FAM174B: variants seen among roughly 807,000 people sequenced by gnomAD.
FAM174B encodes the protein family with sequence similarity 174 member B.
Under a neutral mutation model 10.9 loss-of-function variants are expected in FAM174B, and 12 were observed. The ratio of observed to expected loss-of-function variants is 1.10; its 90% confidence interval spans 0.71 to 1.79. The LOEUF (loss-of-function observed/expected upper bound fraction) is 1.79, where lower values mean the gene tolerates loss of function less well. Among genes scored for constraint, FAM174B ranks in the 40% most tolerant of loss-of-function variants. The pLI is 0.00. For missense variants in FAM174B, 266 were observed against 233.3 expected (o/e 1.14, Z -0.91); for synonymous variants, 132 against 115.8 (o/e 1.14, Z -0.90).
rs376877951 is a variant in FAM174B at position 92,637,484 on chromosome 15, G to A, written c.345-7139C>T. On this transcript the variant is annotated intron_variant, in intron 1 of 2. Coordinates refer to ENST00000327355, the MANE Select transcript of FAM174B (RefSeq NM_207446.3). Reference sequence around the variant, plus strand: ...ACCTAGCAAACCTTAACTGCCTCGAGGTCTCAGGGAAGGCACTGCACGAAG... The same window carrying A: ...ACCTAGCAAACCTTAACTGCCTCGAAGTCTCAGGGAAGGCACTGCACGAAG... 7.2e-5 allele frequency among the ~76,000 whole-genome samples: 11 copies of A among 152,286 alleles called. No homozygotes were observed. In the East Asian group the frequency reaches 1.7e-3, roughly 24 times the overall value.
At chr15:92,621,061 G>A (rs1403012905) in intron 2 of FAM174B, among the ~76,000 whole-genome samples, 1 of 152,062 alleles carries the variant, frequency 6.6e-6, no homozygotes, top group East Asian at 1.9e-4. Context: ...TTTACTAGAA[G>A]ATGTAAACAT....
chr15:92,655,411 G>A lies in FAM174B; in HGVS notation c.249C>T (p.Ile83=). 4 of 1,600,860 alleles carry A rather than the reference G, an allele frequency of 2.5e-6. No homozygotes were observed. The highest frequency in any genetic ancestry group is 2.3e-5 in the East Asian group (1 of 43,088). ...TGAGGGTGGGTAGGTCGCGGAGGAGGATGGAAATGCGGGTCACCAAGGCGT... is the reference window on the plus strand; with the variant it reads ...TGAGGGTGGGTAGGTCGCGGAGGAGAATGGAAATGCGGGTCACCAAGGCGT... The part of the protein sequence containing the change: ...SGDALVTRIS[I]LLRDLPTLKA... The change falls in exon 1 of 3, where the codon ATC becomes ATT. Residue 83 remains isoleucine, a synonymous_variant. Transcript: ENST00000327355.
rs2050781721 is a variant in FAM174B at position 92,630,209 on chromosome 15, T to C, written c.476+5A>G. On this transcript the variant is annotated splice_donor_5th_base_variant and intron_variant, in intron 2 of 2. Coordinates refer to ENST00000327355, the MANE Select transcript of FAM174B (RefSeq NM_207446.3). ...CAGGAGGAAGCCTCTGTCTCCACCCTGTACCTGTATTTGATGTCGAATACT... is the reference window on the plus strand; with the variant it reads ...CAGGAGGAAGCCTCTGTCTCCACCCCGTACCTGTATTTGATGTCGAATACT... 1.2e-6 allele frequency: 2 copies of C among 1,613,506 alleles called. No individual in the cohort carries two copies. The highest frequency in any genetic ancestry group is 1.1e-5 in the South Asian group (1 of 91,030).
chr15:92,644,519 C>G (rs933799255), intron 1 of FAM174B, among the ~76,000 whole-genome samples: 1 of 152,208 alleles, frequency 6.6e-6, no homozygotes, highest in African/African-American at 2.4e-5. Flanking sequence ...CTCCCCAACA[C>G]AGAGGCTGGG....
intron 1 of FAM174B, among the ~76,000 whole-genome samples, 194 bp from the exon 2 acceptor site, chr15:92,630,539 C>T (rs562858921): frequency 4.3e-4 from 65 of 151,988 alleles, no homozygotes; most frequent in African/African-American, 1.5e-3. Flanking sequence ...AGACTGCTCC[C>T]AGGAGATTCG....
intron 1 of FAM174B, among the ~76,000 whole-genome samples, chr15:92,654,730 C>T (rs539026726): frequency 6.6e-6 from 1 of 150,938 alleles, no homozygotes; most frequent in Non-Finnish European, 1.5e-5. Context: ...ACCCCTCCAG[C>T]GTAATTCTGG....
chr15:92,635,430 G>A (rs1386576358), intron 1 of FAM174B, among the ~76,000 whole-genome samples: 2 of 152,130 alleles, frequency 1.3e-5, no homozygotes, highest in East Asian at 1.9e-4. Flanking sequence ...TAAAGACATC[G>A]AGACACGTTC....
At chr15:92,622,111 G>A (rs745529151) in intron 2 of FAM174B, among the ~76,000 whole-genome samples, 41 of 152,316 alleles carry the variant, frequency 2.7e-4, no homozygotes, top group South Asian at 1.5e-3. Context: ...ACTCTGTACC[G>A]CTGCCATGCT....
intron 1 of FAM174B, among the ~76,000 whole-genome samples, chr15:92,652,551 A>C (rs2050973313): frequency 6.6e-6 from 1 of 152,146 alleles, no homozygotes; most frequent in Non-Finnish European, 1.5e-5. Context: ...TGCAGGGAGA[A>C]TTGGCAGGGA....
chr15:92,629,395 G>T lies in FAM174B; in HGVS notation c.476+819C>A, dbSNP rs528634764. Among the ~76,000 whole-genome samples the T allele has an allele frequency of 2.0e-5, 3 of 152,296 alleles. No homozygotes were observed. The South Asian group carries it at 6.2e-4, about 32-fold the overall frequency. On this transcript the variant is annotated intron_variant, in intron 2 of 2. Coordinates refer to ENST00000327355, the MANE Select transcript of FAM174B (RefSeq NM_207446.3). ...TGACTTTCCTAGAGAAAGCCTTTAA[G>T]AAACACACCTGCCTGTGGAGCTCAT...
chr15:92,617,828 A>ATTTTT lies in FAM174B; in HGVS notation c.*1627_*1628insAAAAA. 2.0e-6 allele frequency: 1 copy of ATTTTT among 499,880 alleles called. No homozygotes were observed. The highest frequency in any genetic ancestry group is 3.5e-6 in the Non-Finnish European group (1 of 285,078). The allele number at this position is 499,880 out of a possible 1,614,324, so 31.0% of individuals were successfully genotyped here. ...GGGGGAAAACAGAGAAGGAAAGTCAACAAAGAAGGTGAAATGCAGGGAGCA... is the reference window on the plus strand; with the variant it reads ...GGGGGAAAACAGAGAAGGAAAGTCAATTTTTCAAAGAAGGTGAAATGCAGGGAGCA... On this transcript the variant is annotated 3_prime_UTR_variant, in exon 3 of 3. Coordinates refer to ENST00000327355, the MANE Select transcript of FAM174B (RefSeq NM_207446.3).
At chr15:92,647,792 T>C (rs2050938356) in intron 1 of FAM174B, among the ~76,000 whole-genome samples, 1 of 152,212 alleles carries the variant, frequency 6.6e-6, no homozygotes, top group African/African-American at 2.4e-5. Flanking sequence ...TTTGCATCTA[T>C]AGAGAATCTT....
rs141783729 is a variant in FAM174B at position 92,620,492 on chromosome 15, C to T, written c.477-1033G>A. ...CAGCCTGGGCAACAGAGCAAGACTC[C>T]GTCTCAAAAAAATAAGCATAAGTTT... On this transcript the variant is annotated intron_variant, in intron 2 of 2. Coordinates refer to ENST00000327355, the MANE Select transcript of FAM174B (RefSeq NM_207446.3). Among the ~76,000 whole-genome samples, 1,325 of 146,672 alleles carry T rather than the reference C, an allele frequency of 9.0e-3. 16 individuals carry two copies. The highest frequency in any genetic ancestry group is 0.06 in the East Asian group (297 of 4,918).
intron 2 of FAM174B, among the ~76,000 whole-genome samples, chr15:92,623,895 A>G (rs1167659620): frequency 3.9e-5 from 6 of 152,250 alleles, no homozygotes; most frequent in Admixed American, 6.5e-5. Context: ...TGCTTTTGCA[A>G]AAGCATTGAT....
intron 1 of FAM174B, among the ~76,000 whole-genome samples, chr15:92,638,343 G>C (rs987959970): frequency 2.6e-5 from 4 of 152,092 alleles, no homozygotes; most frequent in Non-Finnish European, 5.9e-5. Flanking sequence ...GAAGCCAGAG[G>C]GTTTGTTTAC....
At position 92,630,753 on chromosome 15, in the gene FAM174B, TATAATAATATATA is replaced by T. The variant is rs1161180999; in HGVS notation, c.345-421_345-409del. Among the ~76,000 whole-genome samples the T allele has an allele frequency of 1.2e-3, 6 of 5,068 alleles. 1 individual carries two copies. The highest frequency in any genetic ancestry group is 0.12 in the East Asian group (1 of 8). The allele number at this position is 5,068 out of a possible 152,430, so 3.3% of individuals were successfully genotyped here. A position where few individuals can be genotyped will look rare whatever the true frequency, so the allele number is the denominator to read the frequency against. ...ATATAATTATATATTTTTTATATTA[TATAATAATATATA>T]ATAATAATATATTTTATATATTACA... On this transcript the variant is annotated intron_variant, in intron 1 of 2. Coordinates refer to ENST00000327355, the MANE Select transcript of FAM174B (RefSeq NM_207446.3).
In FAM174B at chr15:92,618,492, C is replaced by T. The variant is rs757377754; in HGVS notation, c.*964G>A. The T allele has an allele frequency of 1.3e-5, 2 of 152,430 alleles. No individual in the cohort carries two copies. Among genetic ancestry groups the T allele is most frequent in the African/African-American group, 4.8e-5 (2 of 41,464 alleles). 9.4% of individuals were successfully genotyped at this position (152,430 alleles called of 1,614,324 possible). On this transcript the variant is annotated 3_prime_UTR_variant, in exon 3 of 3. Coordinates refer to ENST00000327355, the MANE Select transcript of FAM174B (RefSeq NM_207446.3). ...TCCAGGTGGGTTCCTAGTCCAGCCC[C>T]GTCTAGACTGACTTCAAATATAGTC... is the stretch of plus-strand genomic sequence containing the variant.
At chr15:92,622,048 G>A (rs1034611103) in intron 2 of FAM174B, among the ~76,000 whole-genome samples, 3 of 152,200 alleles carry the variant, frequency 2.0e-5, no homozygotes, top group Non-Finnish European at 4.4e-5. Flanking sequence ...ATCTGGCCAC[G>A]GCAGGCCTGC....
At chr15:92,632,224 G>A (rs553879248) in intron 1 of FAM174B, among the ~76,000 whole-genome samples, 3 of 152,184 alleles carry the variant, frequency 2.0e-5, no homozygotes, top group Admixed American at 6.5e-5. Context: ...TTCTGGTTTC[G>A]TTTTGTTGTT....
Sources: gnomAD v4.1 joint callset for allele counts (sites outside exome capture counted in the v4.1 genomes callset) on GRCh38, gnomAD v4.1.1 for gene constraint, MANE v1.5 for transcripts, NCBI Gene and HGNC (gene_info 2026-07-23, HGNC 2026-07-21) for gene names.